LRBA: variants seen among roughly 807,000 people sequenced by gnomAD.
LRBA encodes lipopolysaccharide-responsive and beige-like anchor protein.
In LRBA, 176 loss-of-function variants were observed where a neutral mutation model predicts 330.0. The ratio of observed to expected loss-of-function variants is 0.53; its 90% confidence interval spans 0.47 to 0.60. LRBA has a LOEUF of 0.60. Ranked by LOEUF, LRBA falls within the 20% of genes least tolerant of loss-of-function variation. The pLI, the probability that LRBA is intolerant of heterozygous loss-of-function variation, is 0.00. For synonymous variants in LRBA, 1,230 were observed against 1,193.0 expected (o/e 1.03, Z -0.64); for missense variants, 3,259 against 3,444.8 (o/e 0.95, Z 1.35).
At chr4:150,767,694 C>T in intron 34 of LRBA, among the ~76,000 whole-genome samples, 1 of 148,910 alleles carries the variant, frequency 6.7e-6, no homozygotes, top group Non-Finnish European at 1.5e-5. Flanking sequence ...GGAGGCAGAG[C>T]TTGCAGTGAG....
At chr4:150,925,877 C>G (rs1241573176) in intron 4 of LRBA, among the ~76,000 whole-genome samples, 1 of 152,062 alleles carries the variant, frequency 6.6e-6, no homozygotes, top group Non-Finnish European at 1.5e-5. Flanking sequence ...CTGGACTTAC[C>G]AACCTACCAT....
At chr4:150,592,132 C>T (rs544997022) in intron 38 of LRBA, among the ~76,000 whole-genome samples, 29 of 114,206 alleles carry the variant, frequency 2.5e-4, no homozygotes, top group African/African-American at 9.6e-4. Context: ...ATATGGAAAT[C>T]GGATGGCTAG....
intron 2 of LRBA, among the ~76,000 whole-genome samples, chr4:151,003,607 C>T (rs898710715): frequency 2.0e-5 from 3 of 151,780 alleles, no homozygotes; most frequent in South Asian, 2.1e-4. Flanking sequence ...ACAATCCCCC[C>T]AGCCCCCGCC....
intron 56 of LRBA, among the ~76,000 whole-genome samples, chr4:150,272,884 C>A (rs1369441330): frequency 6.6e-6 from 1 of 152,112 alleles, no homozygotes; most frequent in Non-Finnish European, 1.5e-5. Flanking sequence ...GGAAAACACT[C>A]TGCAGGATAT....
At chr4:150,662,503 T>A (rs1014162553) in intron 37 of LRBA, among the ~76,000 whole-genome samples, 1 of 152,162 alleles carries the variant, frequency 6.6e-6, no homozygotes, top group Non-Finnish European at 1.5e-5. Flanking sequence ...GCAACGGAAA[T>A]TTTTTAAAAG....
intron 48 of LRBA, among the ~76,000 whole-genome samples, chr4:150,335,465 G>GTA (rs1332615506): frequency 2.0e-5 from 3 of 146,644 alleles, no homozygotes; most frequent in Non-Finnish European, 4.5e-5. Flanking sequence ...GTATATATGT[G>GTA]TATATATATA....
At chr4:150,739,031 G>A (rs1039287088) in intron 35 of LRBA, among the ~76,000 whole-genome samples, 1 of 151,886 alleles carries the variant, frequency 6.6e-6, no homozygotes, top group East Asian at 1.9e-4. Context: ...TCAATATAAG[G>A]TTAAACAAAG....
At chr4:150,980,505 T>C (rs1421885849) in intron 2 of LRBA, among the ~76,000 whole-genome samples, 1 of 151,364 alleles carries the variant, frequency 6.6e-6, no homozygotes, top group Non-Finnish European at 1.5e-5. Flanking sequence ...AAATAAAGAG[T>C]GGTGGCACTT....
intron 2 of LRBA, among the ~76,000 whole-genome samples, chr4:150,981,514 T>G (rs985575585): frequency 6.6e-6 from 1 of 151,364 alleles, no homozygotes; most frequent in Non-Finnish European, 1.5e-5. Flanking sequence ...AGAATCACAC[T>G]ATCTGACTTC....
rs545082579 is a variant in LRBA at position 150,548,535 on chromosome 4, A to C, written c.6330+39513T>G. Reference sequence around the variant, plus strand: ...AATGTTAGGAGAGTTCAAGATTCTAATGTAACACTTAACTCTGCATAGTTT... The same window carrying C: ...AATGTTAGGAGAGTTCAAGATTCTACTGTAACACTTAACTCTGCATAGTTT... On this transcript the variant is annotated intron_variant, in intron 40 of 56. Coordinates refer to ENST00000651943, the MANE Select transcript of LRBA (RefSeq NM_001364905.1). Among the ~76,000 whole-genome samples, 3 of 152,346 alleles carry C rather than the reference A, an allele frequency of 2.0e-5. No individual in the cohort carries two copies. The East Asian group carries it at 5.8e-4, about 29-fold the overall frequency.
rs571007057 is a variant in LRBA, at chr4:150,488,939, G to A, written c.6449-1105C>T. Among the ~76,000 whole-genome samples the A allele has an allele frequency of 1.8e-3, 202 of 112,704 alleles. 1 individual carries two copies. Among genetic ancestry groups the A allele is most frequent in the African/African-American group, 6.3e-3 (192 of 30,354 alleles). The allele number at this position is 112,704 out of a possible 152,430, so 73.9% of individuals were successfully genotyped here. A position where few individuals can be genotyped will look rare whatever the true frequency, so the allele number is the denominator to read the frequency against. On this transcript the variant is annotated intron_variant, in intron 41 of 56. Coordinates refer to ENST00000651943, the MANE Select transcript of LRBA (RefSeq NM_001364905.1). ...CACACATAAGAATATATACACACAC[G>A]AGAATATATATAACATATAATATAT... is the stretch of plus-strand genomic sequence containing the variant.
intron 29 of LRBA, among the ~76,000 whole-genome samples, chr4:150,830,546 C>T (rs1334108394): frequency 6.6e-6 from 1 of 152,046 alleles, no homozygotes; most frequent in East Asian, 1.9e-4. Context: ...CTTAGATTTT[C>T]CAGACCCAGC....
At chr4:150,949,943 CAG>C (rs1365405975) in intron 2 of LRBA, among the ~76,000 whole-genome samples, 1 of 152,058 alleles carries the variant, frequency 6.6e-6, no homozygotes, top group African/African-American at 2.4e-5. Flanking sequence ...TGATATCACA[CAG>C]AGTTTAACTA....
intron 35 of LRBA, among the ~76,000 whole-genome samples, chr4:150,748,662 A>T (rs1733092546): frequency 6.7e-6 from 1 of 149,978 alleles, no homozygotes; most frequent in Non-Finnish European, 1.5e-5. Context: ...GCAAGATTCC[A>T]TCTCACAGAA....
intron 43 of LRBA, among the ~76,000 whole-genome samples, chr4:150,468,200 T>C (rs949058763): frequency 5.3e-5 from 8 of 152,100 alleles, no homozygotes; most frequent in Non-Finnish European, 1.0e-4. Context: ...ACAAGAATCC[T>C]TTCTCTGCCA....
chr4:150,516,510 G>C (rs1473449985), intron 40 of LRBA, among the ~76,000 whole-genome samples: 1 of 151,508 alleles, frequency 6.6e-6, no homozygotes, highest in African/African-American at 2.4e-5. Flanking sequence ...GTCAAATAGT[G>C]AAAGATCTGA....
chr4:150,799,536 T>C (rs573274932), intron 33 of LRBA, among the ~76,000 whole-genome samples: 11 of 152,230 alleles, frequency 7.2e-5, no homozygotes, highest in Non-Finnish European at 1.2e-4. Context: ...AATTCAGATC[T>C]TTCTATTATT....
chr4:150,976,527 T>A (rs1287404771), intron 2 of LRBA, among the ~76,000 whole-genome samples: 1 of 152,212 alleles, frequency 6.6e-6, no homozygotes, highest in Non-Finnish European at 1.5e-5. Context: ...TTTAATCTAA[T>A]ATGTTATATA....
At chr4:150,440,844 T>A (rs1469352695) in intron 44 of LRBA, among the ~76,000 whole-genome samples, 1 of 152,088 alleles carries the variant, frequency 6.6e-6, no homozygotes, top group African/African-American at 2.4e-5. Flanking sequence ...GGAAATGGTA[T>A]GAATAGCCAA....
Sources: allele counts gnomAD v4.1 joint callset (sites outside exome capture counted in the v4.1 genomes callset), GRCh38; gene constraint gnomAD v4.1.1; transcripts MANE v1.5; gene names NCBI Gene and HGNC (gene_info 2026-07-23, HGNC 2026-07-21).